PLXNC1: variants seen among roughly 807,000 people sequenced by gnomAD.
PLXNC1 encodes the protein plexin-C1.
In PLXNC1, 75 loss-of-function variants were observed where a neutral mutation model predicts 178.2. That is an observed-to-expected ratio of 0.42 (90% confidence interval 0.35 to 0.51). PLXNC1 has a LOEUF of 0.51. PLXNC1 is among the 20% of genes least tolerant of loss of function. PLXNC1 has a pLI of 0.02. For missense variants in PLXNC1, 1,503 were observed against 1,984.4 expected (o/e 0.76, Z 4.61); for synonymous variants, 790 against 779.9 (o/e 1.01, Z -0.22).
intron 9 of PLXNC1, among the ~76,000 whole-genome samples, chr12:94,228,376 G>A (rs2136031989): frequency 6.8e-6 from 1 of 146,446 alleles, no homozygotes; most frequent in Non-Finnish European, 1.5e-5. Flanking sequence ...ATTAAACTTT[G>A]TTGTTGTTCC....
intron 11 of PLXNC1, among the ~76,000 whole-genome samples, chr12:94,242,112 G>A (rs1964406475): frequency 6.6e-6 from 1 of 151,918 alleles, no homozygotes; most frequent in African/African-American, 2.4e-5. Flanking sequence ...TTGCTAGGGT[G>A]GACATAAAGT....
At chr12:94,234,595 G>A (rs1964191724) in intron 9 of PLXNC1, among the ~76,000 whole-genome samples, 1 of 152,138 alleles carries the variant, frequency 6.6e-6, no homozygotes, top group Admixed American at 6.5e-5. Context: ...GTTAATTGCT[G>A]GACAACATAG....
intron 4 of PLXNC1, among the ~76,000 whole-genome samples, chr12:94,187,192 G>GAAAAA (rs3037610): frequency 4.0e-5 from 6 of 148,582 alleles, no homozygotes; most frequent in South Asian, 2.1e-4. Context: ...GAGAGAGAGA[G>GAAAAA]AAAAAAAAAC....
At chr12:94,217,184 T>C (rs1370121783) in intron 5 of PLXNC1, among the ~76,000 whole-genome samples, 2 of 152,210 alleles carry the variant, frequency 1.3e-5, no homozygotes, top group African/African-American at 4.8e-5. Context: ...TCATCTAACT[T>C]GGCTGTTAGC....
intron 9 of PLXNC1, among the ~76,000 whole-genome samples, chr12:94,232,119 T>C (rs1367219532): frequency 1.3e-5 from 2 of 152,042 alleles, no homozygotes; most frequent in African/African-American, 4.8e-5. Context: ...GGAGTTTCAC[T>C]CTTGTTGCCC....
At chr12:94,272,774 C>T (rs1445650360) in intron 21 of PLXNC1, among the ~76,000 whole-genome samples, 1 of 152,192 alleles carries the variant, frequency 6.6e-6, no homozygotes, top group Non-Finnish European at 1.5e-5. Context: ...TGAACAGAAG[C>T]TCTGTAAAAA....
chr12:94,204,801 G>A (rs1436483965), intron 4 of PLXNC1, among the ~76,000 whole-genome samples: 1 of 152,216 alleles, frequency 6.6e-6, no homozygotes, highest in African/African-American at 2.4e-5. Flanking sequence ...TTATAGCAAA[G>A]CCCTCCCCCA....
At chr12:94,270,611 C>T (rs916887069) in intron 21 of PLXNC1, among the ~76,000 whole-genome samples, 1 of 152,128 alleles carries the variant, frequency 6.6e-6, no homozygotes, top group African/African-American at 2.4e-5. Context: ...ACCCTGCACC[C>T]GCAAATACTG....
At chr12:94,169,575 T>C (rs1317828531) in intron 2 of PLXNC1, among the ~76,000 whole-genome samples, 2 of 152,082 alleles carry the variant, frequency 1.3e-5, no homozygotes, top group African/African-American at 4.8e-5. Context: ...TAAATGGAGG[T>C]CTGGTCCCTA....
intron 5 of PLXNC1, among the ~76,000 whole-genome samples, chr12:94,213,448 C>G (rs1243579009): frequency 1.3e-5 from 2 of 152,178 alleles, no homozygotes; most frequent in Non-Finnish European, 2.9e-5. Context: ...GCATAAATGT[C>G]TTCTTTTGAG....
At chr12:94,152,826 C>G (rs929591386) in intron 1 of PLXNC1, among the ~76,000 whole-genome samples, 1 of 152,180 alleles carries the variant, frequency 6.6e-6, no homozygotes, top group Non-Finnish European at 1.5e-5. Flanking sequence ...GTTCTCTTAT[C>G]TCTTGTCACT....
chr12:94,277,488 A>C (rs1295023609), intron 21 of PLXNC1, among the ~76,000 whole-genome samples: 1 of 152,214 alleles, frequency 6.6e-6, no homozygotes. Context: ...TGCTGTTCTA[A>C]GAACTGTGCG....
chr12:94,206,097 G>A (rs908518983), intron 4 of PLXNC1, among the ~76,000 whole-genome samples: 1 of 152,150 alleles, frequency 6.6e-6, no homozygotes, highest in African/African-American at 2.4e-5. Context: ...GTCTGTGGTG[G>A]GGTAATTATT....
At chr12:94,270,287 G>A (rs927182852) in intron 21 of PLXNC1, among the ~76,000 whole-genome samples, 3 of 152,182 alleles carry the variant, frequency 2.0e-5, no homozygotes, top group Non-Finnish European at 1.5e-5. Context: ...AGTTCTATTG[G>A]AACACCTGTT....
Position 94,305,295 on chromosome 12 carries a change from G to A in PLXNC1, c.*10G>A, listed in dbSNP as rs1968889571. The stretch of plus-strand genomic sequence containing the variant: ...ATGCAAGTGGATGTAAGCACTCTGG[G>A]GCCTGGCTTAATCTGGCAAAGTTCT... On this transcript the variant is annotated 3_prime_UTR_variant, in exon 31 of 31. Transcript: ENST00000258526. The A allele has an allele frequency of 1.3e-6, 2 of 1,558,798 alleles. No individual in the cohort carries two copies. Among genetic ancestry groups the A allele is most frequent in the Admixed American group, 1.7e-5 (1 of 59,096 alleles).
chr12:94,193,862 G>T (rs181242795), intron 4 of PLXNC1, among the ~76,000 whole-genome samples: 74 of 152,306 alleles, frequency 4.9e-4, no homozygotes, highest in African/African-American at 9.6e-4. Context: ...GGAAACGCGG[G>T]GGGTGGACTT....
rs1968920621 is a variant in PLXNC1, at chr12:94,305,587, A to C, written c.*302A>C. The stretch of plus-strand genomic sequence containing the variant: ...TGTCAGTATTGTAACTACAGTCTCC[A>C]CTTAAGCACAATGATATAAGTGGTT... On this transcript the variant is annotated 3_prime_UTR_variant, in exon 31 of 31. Coordinates refer to ENST00000258526, the MANE Select transcript of PLXNC1 (RefSeq NM_005761.3). The C allele has an allele frequency of 3.6e-6, 1 of 281,314 alleles. No homozygotes were observed. The highest frequency in any genetic ancestry group is 2.2e-5 in the African/African-American group (1 of 45,890). 17.4% of individuals were successfully genotyped at this position (281,314 alleles called of 1,614,324 possible).
intron 30 of PLXNC1, among the ~76,000 whole-genome samples, chr12:94,304,573 G>A (rs1460204512): frequency 1.3e-5 from 2 of 152,042 alleles, no homozygotes; most frequent in Non-Finnish European, 2.9e-5. Flanking sequence ...CCAAACAAAT[G>A]TTAACTCCCC....
intron 2 of PLXNC1, among the ~76,000 whole-genome samples, chr12:94,171,724 C>T: frequency 6.6e-6 from 1 of 152,270 alleles, no homozygotes; most frequent in Non-Finnish European, 1.5e-5. Flanking sequence ...GGTGAGTCAG[C>T]CTTCCTAGAG....
Sources: gnomAD v4.1 joint callset for allele counts (sites outside exome capture counted in the v4.1 genomes callset) on GRCh38, gnomAD v4.1.1 for gene constraint, MANE v1.5 for transcripts, NCBI Gene and HGNC (gene_info 2026-07-23, HGNC 2026-07-21) for gene names.